Variants in CFTR observed in about 807,000 individuals in gnomAD.
CFTR encodes the protein CF transmembrane conductance regulator, also known as cystic fibrosis transmembrane conductance regulator.
Under a neutral mutation model 171.6 loss-of-function variants are expected in CFTR, and 181 were observed. The observed-to-expected ratio is 1.05, with a 90% confidence interval of 0.93 to 1.19. The LOEUF is 1.19. CFTR is among the 50% of genes most tolerant of loss of function. CFTR has a pLI of 0.00. For synonymous variants in CFTR, 583 were observed against 608.0 expected, an observed-to-expected ratio of 0.96 and a Z score of 0.60; for missense variants, 1,968 against 1,734.7, an observed-to-expected ratio of 1.13 and a Z score of -2.39.
intron 15 of CFTR, among the ~76,000 whole-genome samples, chr7:117,599,988 G>T (rs1366909232): frequency 6.6e-6 from 1 of 151,824 alleles, no homozygotes; most frequent in African/African-American, 2.4e-5. Flanking sequence ...TTTATTCCTT[G>T]GTGTAAGTGA....
chr7:117,486,600 A>C (rs1377552016), intron 1 of CFTR, among the ~76,000 whole-genome samples: 1 of 152,030 alleles, frequency 6.6e-6, no homozygotes, highest in Non-Finnish European at 1.5e-5. Context: ...TGACAGGATA[A>C]GTAAGCATGG....
At chr7:117,547,794 GGTAA>G (rs1311049245) in intron 9 of CFTR, among the ~76,000 whole-genome samples, 1 of 152,170 alleles carries the variant, frequency 6.6e-6, no homozygotes, top group African/African-American at 2.4e-5. Context: ...TCCCTTGCAT[GGTAA>G]GTGAGAAGGC....
At chr7:117,510,982 A>G (rs1798508344) in intron 3 of CFTR, among the ~76,000 whole-genome samples, 1 of 152,172 alleles carries the variant, frequency 6.6e-6, no homozygotes, top group Non-Finnish European at 1.5e-5. Context: ...TTTGAGAGAT[A>G]TCCCAGTCTC....
At chr7:117,583,324 G>A (rs988782877) in intron 11 of CFTR, among the ~76,000 whole-genome samples, 2 of 147,946 alleles carry the variant, frequency 1.4e-5, no homozygotes, top group East Asian at 2.2e-4. Context: ...TCCCCCCCCC[G>A]CTCCACCCTT....
At chr7:117,607,238 G>A (rs2116071186) in intron 18 of CFTR, among the ~76,000 whole-genome samples, 1 of 152,254 alleles carries the variant, frequency 6.6e-6, no homozygotes, top group East Asian at 1.9e-4. Context: ...AGGGACAGAA[G>A]CAAAGATAAG....
At chr7:117,492,970 G>T (rs1562879619) in intron 1 of CFTR, among the ~76,000 whole-genome samples, 1 of 151,936 alleles carries the variant, frequency 6.6e-6, no homozygotes, top group Non-Finnish European at 1.5e-5. Context: ...CATGCCCAGT[G>T]ATGGTAATAG....
intron 16 of CFTR, 66 bp downstream of exon 16, chr7:117,602,929 CTA>C (rs1037819796): frequency 7.5e-7 from 1 of 1,328,096 alleles, no homozygotes; most frequent in African/African-American, 1.4e-5. Flanking sequence ...TTGTAATCCA[CTA>C]TGTTTGTATG....
At chr7:117,536,790 G>A (rs1182563696) in intron 7 of CFTR, 117 bp downstream of exon 7, 15 of 882,754 alleles carry the variant, frequency 1.7e-5, no homozygotes, top group African/African-American at 3.3e-5. Context: ...TCAAATGATT[G>A]CATTTAAGTT....
At chr7:117,603,122 A>G (rs1792249841) in intron 16 of CFTR, among the ~76,000 whole-genome samples, 1 of 152,094 alleles carries the variant, frequency 6.6e-6, no homozygotes, top group Non-Finnish European at 1.5e-5. Flanking sequence ...GTGTTGTATC[A>G]TTGTGAGTAG....
At chr7:117,575,139 C>T (rs1791752364) in intron 11 of CFTR, among the ~76,000 whole-genome samples, 1 of 152,082 alleles carries the variant, frequency 6.6e-6, no homozygotes, top group East Asian at 1.9e-4. Flanking sequence ...ATGATACATA[C>T]ACACATTTTA....
chr7:117,616,169 A>G (rs1792486349), intron 21 of CFTR: 1 of 151,872 alleles, frequency 6.6e-6, no homozygotes, highest in African/African-American at 2.4e-5. Context: ...AAGCATTTTC[A>G]TAACCCATTG....
At chr7:117,589,824 G>C (rs929319044) in intron 12 of CFTR, among the ~76,000 whole-genome samples, 2 of 151,962 alleles carry the variant, frequency 1.3e-5, no homozygotes, top group African/African-American at 4.8e-5. Flanking sequence ...TTTCACATAA[G>C]TAATGTAATT....
chr7:117,537,835 GTGAGTGCTCCATCACACTTGC>G (rs1329070358), intron 7 of CFTR, among the ~76,000 whole-genome samples: 7 of 152,130 alleles, frequency 4.6e-5, no homozygotes, highest in South Asian at 2.1e-4. Flanking sequence ...TCATTAACAA[GTGAGTGCTCCATCACACTTGC>G]TGAGTGCTCC....
intron 4 of CFTR, among the ~76,000 whole-genome samples, chr7:117,533,750 T>C (rs1373166011): frequency 1.3e-5 from 2 of 152,144 alleles, no homozygotes; most frequent in Non-Finnish European, 2.9e-5. Context: ...CTTAACTACG[T>C]TTCATATAGC....
chr7:117,579,665 G>A (rs1014677407), intron 11 of CFTR, among the ~76,000 whole-genome samples: 1 of 147,814 alleles, frequency 6.8e-6, no homozygotes, highest in African/African-American at 2.5e-5. Context: ...TTAGATATTA[G>A]AGCCATTAAA....
chr7:117,662,962 G>A (rs912505025), intron 24 of CFTR, among the ~76,000 whole-genome samples: 12 of 152,158 alleles, frequency 7.9e-5, no homozygotes, highest in Admixed American at 3.3e-4. Context: ...GTTCACACAT[G>A]ACAATAGGAA....
At chr7:117,580,888 G>A (rs999765211) in intron 11 of CFTR, among the ~76,000 whole-genome samples, 4 of 152,104 alleles carry the variant, frequency 2.6e-5, no homozygotes, top group Non-Finnish European at 5.9e-5. Flanking sequence ...TTAGCAACAA[G>A]TGTGGGGATT....
At chr7:117,657,104 A>G (rs1793196084) in intron 24 of CFTR, among the ~76,000 whole-genome samples, 1 of 152,218 alleles carries the variant, frequency 6.6e-6, no homozygotes, top group South Asian at 2.1e-4. Flanking sequence ...ACACAATGCA[A>G]TGGGAGGGAA....
At chr7:117,664,643 G>A in intron 24 of CFTR, 45 bp from the exon 25 acceptor site, 1 of 1,556,798 alleles carries the variant, frequency 6.4e-7, no homozygotes, top group Non-Finnish European at 8.9e-7. Context: ...AACTGCTTGA[G>A]TGTTTTTAAC....
Sources: allele counts gnomAD v4.1 joint callset (sites outside exome capture counted in the v4.1 genomes callset), GRCh38; gene constraint gnomAD v4.1.1; transcripts MANE v1.5; gene names NCBI Gene and HGNC (gene_info 2026-07-23, HGNC 2026-07-21).